Variants in ADAR observed in about 807,000 individuals in gnomAD.
ADAR encodes the protein adenosine deaminase RNA specific, also known as double-stranded RNA-specific adenosine deaminase.
ADAR carries 41 observed loss-of-function variants against 113.2 expected under a neutral mutation model. That is an observed-to-expected ratio of 0.36 (90% confidence interval 0.28 to 0.47). The LOEUF is 0.47. Among genes scored for constraint, ADAR ranks in the 20% least tolerant of loss-of-function variants. The pLI, the probability that ADAR is intolerant of heterozygous loss-of-function variation, is 1.00. For synonymous variants in ADAR, 605 were observed against 572.6 expected (o/e 1.06, Z -0.81); for missense variants, 1,242 against 1,540.9 (o/e 0.81, Z 3.25).
chr1:154,586,023 C>G, intron 12 of ADAR, 158 bp from the exon 13 acceptor site: 1 of 1,198,678 alleles, frequency 8.3e-7, no homozygotes, highest in South Asian at 1.3e-5. Flanking sequence ...CTACCAGGAT[C>G]TTCCTACCAC....
Position 154,601,898 on chromosome 1 carries a change from G to C in ADAR, c.744C>G (p.Val248=). Residue 248 remains valine (V), a synonymous_variant, in exon 2 of 15, where the codon GTC becomes GTG. Transcript: ENST00000368474. The surrounding 1 kb of genome is among the most constrained non-coding windows in gnomAD (Gnocchi z 4.7). ...TGTGCTGGTTCCAAGCCTGAGCTGA[G>C]ACTGCAATAAAAGGCTCAAGAAGAT... ...SEDLLEPFIA[V]SAQAWNQHSG... 6.2e-7 allele frequency: 1 copy of C among 1,614,140 alleles called. No individual in the cohort carries two copies. Among genetic ancestry groups the C allele is most frequent in the Non-Finnish European group, 8.5e-7 (1 of 1,180,018 alleles).
At chr1:154,599,177 C>T (rs1399811529) in intron 2 of ADAR, among the ~76,000 whole-genome samples, 1 of 152,170 alleles carries the variant, frequency 6.6e-6, no homozygotes, top group Non-Finnish European at 1.5e-5. Flanking sequence ...GGAATTTCCC[C>T]TTGTTATGTA....
In ADAR at chr1:154,597,936, A is replaced by G. The variant is rs767850785; in HGVS notation, c.1826T>C (p.Phe609Ser). The G allele has an allele frequency of 2.1e-5, 34 of 1,614,022 alleles. No homozygotes were observed. Among genetic ancestry groups the G allele is most frequent in the East Asian group, 1.6e-4 (7 of 44,888 alleles). Reference sequence around the variant, plus strand: ...GGTGACGGGGCTCTTCCCAGAAAAGAAGGATGTGGCTGAAGGGGTGGGGGT... The same window carrying G: ...GGTGACGGGGCTCTTCCCAGAAAAGGAGGATGTGGCTGAAGGGGTGGGGGT... Reference protein sequence around the residue: ...SQTPTPSATSFFSGKSPVTTL... With the variant: ...SQTPTPSATSSFSGKSPVTTL... The change falls in exon 4 of 15, where the codon TTC becomes TCC. Residue 609 changes from phenylalanine to serine, a missense_variant. Around this residue, in one of 2 missense-constraint regions of ADAR, gnomAD observed 780 missense variants for 1,057.9 expected, o/e 0.74. Transcript: ENST00000368474.
At chr1:154,614,008 A>C (rs1698564460) in intron 1 of ADAR, among the ~76,000 whole-genome samples, 1 of 152,118 alleles carries the variant, frequency 6.6e-6, no homozygotes, top group African/African-American at 2.4e-5. Context: ...TAAGTTATCT[A>C]GTAACAAAGA....
intron 11 of ADAR, among the ~76,000 whole-genome samples, chr1:154,586,758 G>A (rs1482738989): frequency 1.3e-5 from 2 of 152,164 alleles, no homozygotes; most frequent in African/African-American, 4.8e-5. Flanking sequence ...GACAGCTGGA[G>A]TAAGTGTTTC....
rs139492641 is a variant in ADAR at position 154,601,998 on chromosome 1, C to T, written c.644G>A (p.Gly215Asp). ...TGAGTTTGGGGCTCCTTGGCTATGA[C>T]CGTCTGGTCTTACCACTCCGCTGTG... ...NQHSGVVRPD[G>D]HSQGAPNSDP... is the part of the protein sequence containing the mutation. The change falls in exon 2 of 15, where the codon GGT becomes GAT. Residue 215 changes from glycine (G) to aspartate (D), a missense_variant. Transcript: ENST00000368474. This position sits in a 1 kb window ranked among gnomAD's most constrained non-coding sequence, Gnocchi z 4.7. The T allele has an allele frequency of 1.2e-6, 2 of 1,614,182 alleles. No individual in the cohort carries two copies. Among genetic ancestry groups the T allele is most frequent in the Non-Finnish European group, 8.5e-7 (1 of 1,180,016 alleles).
chr1:154,608,214 C>A, upstream of ADAR: 2 of 589,366 alleles, frequency 3.4e-6, no homozygotes, highest in South Asian at 4.8e-5. Flanking sequence ...CTCGGAAAGC[C>A]TTCCCCTCCG....
At chr1:154,587,523 C>T (rs1264192612) in intron 11 of ADAR, among the ~76,000 whole-genome samples, 1 of 152,122 alleles carries the variant, frequency 6.6e-6, no homozygotes. Flanking sequence ...AGGAGTGGAG[C>T]ACCGGCTCCA....
In ADAR at chr1:154,582,964, G is replaced by T. The variant is rs1314106037; in HGVS notation, c.*1842C>A. On this transcript the variant is annotated 3_prime_UTR_variant, in exon 15 of 15. Coordinates refer to ENST00000368474, the MANE Select transcript of ADAR (RefSeq NM_001111.5). ...CAAAGGCATCCTTAGTCTATTTTTA[G>T]AACTTGCATTTTCTTACTTTGGTCA... 1 of 152,236 alleles carries T rather than the reference G, an allele frequency of 6.6e-6. No homozygotes were observed. The highest frequency in any genetic ancestry group is 1.5e-5 in the Non-Finnish European group (1 of 68,044). 9.4% of individuals were successfully genotyped at this position (152,236 alleles called of 1,614,324 possible). A position where few individuals can be genotyped will look rare whatever the true frequency, so the allele number is the denominator to read the frequency against.
In ADAR at chr1:154,583,533, C is replaced by T. The variant is rs1696546400; in HGVS notation, c.*1273G>A. The T allele has an allele frequency of 6.6e-6, 1 of 152,224 alleles. No individual in the cohort carries two copies. Among genetic ancestry groups the T allele is most frequent in the South Asian group, 2.1e-4 (1 of 4,830 alleles). The allele number at this position is 152,224 out of a possible 1,614,324, so 9.4% of individuals were successfully genotyped here. ...AGTTTGAAGACAACCTGCCCTTTCACCCACAACTACTGCTTTCTATGTCAA... is the reference window on the plus strand; with the variant it reads ...AGTTTGAAGACAACCTGCCCTTTCATCCACAACTACTGCTTTCTATGTCAA... On this transcript the variant is annotated 3_prime_UTR_variant, in exon 15 of 15. Transcript: ENST00000368474.
Position 154,606,057 on chromosome 1 carries a change from T to C in ADAR, c.15+1935A>G, listed in dbSNP as rs546729061. The C allele has an allele frequency of 6.1e-5, 35 of 573,406 alleles. 2 individuals carry two copies. The African/African-American group carries it at 6.5e-4, about 11-fold the overall frequency. 35.5% of individuals were successfully genotyped at this position (573,406 alleles called of 1,614,324 possible). A position where few individuals can be genotyped will look rare whatever the true frequency, so the allele number is the denominator to read the frequency against. On this transcript the variant is annotated intron_variant, in intron 1 of 14. Transcript: ENST00000368474. ...GTCTCGCTCTGTTGCCAAGCTGGAGTGCAGTGGCATGATCTCGGCTCACTG... is the reference window on the plus strand; with the variant it reads ...GTCTCGCTCTGTTGCCAAGCTGGAGCGCAGTGGCATGATCTCGGCTCACTG...
At chr1:154,608,390 G>A (rs1286751846), upstream of ADAR, among the ~76,000 whole-genome samples, 13 of 149,602 alleles carry the variant, frequency 8.7e-5, no homozygotes, top group Admixed American at 1.3e-4. Context: ...GTGCAATGGC[G>A]CAATCTCGGC....
In ADAR at chr1:154,601,776, T is replaced by C. The variant is rs1697896792; in HGVS notation, c.866A>G (p.Asp289Gly). The stretch of plus-strand genomic sequence containing the variant: ...GGCCATGTCTAAAAACTCAAGAGGA[T>C]CTTCCAAGGCAGATGTGGAGTTGCT... ...EDSNSTSALE[D>G]PLEFLDMAEI... is the part of the protein sequence containing the mutation. Residue 289 changes from aspartate to glycine, a missense_variant, in exon 2 of 15, where the codon GAT (aspartate) becomes GGT (glycine). Around this residue, in one of 2 missense-constraint regions of ADAR, gnomAD observed 462 missense variants for 483.1 expected, o/e 0.96. Transcript: ENST00000368474. The surrounding 1 kb of genome is among the most constrained non-coding windows in gnomAD (Gnocchi z 4.7). 1 of 1,614,228 alleles carries C rather than the reference T, an allele frequency of 6.2e-7. No individual in the cohort carries two copies. Among genetic ancestry groups the C allele is most frequent in the Non-Finnish European group, 8.5e-7 (1 of 1,180,048 alleles).
rs760509994 is a variant in ADAR, at chr1:154,602,336, C to T, written c.306G>A (p.Gln102=). Residue 102 remains glutamine, a synonymous_variant, in exon 2 of 15, where the codon CAG becomes CAA. Coordinates refer to ENST00000368474, the MANE Select transcript of ADAR (RefSeq NM_001111.5). ...GATGCTGGAACCCTCTCTGGAGCCCCTGACTTCTGAGATGCACGCCCCTGG... is the reference window on the plus strand; with the variant it reads ...GATGCTGGAACCCTCTCTGGAGCCCTTGACTTCTGAGATGCACGCCCCTGG... The part of the protein sequence containing the change: ...GVPRGVHLRS[Q]GLQRGFQHPS... 11 of 1,611,318 alleles carry T rather than the reference C, an allele frequency of 6.8e-6. No individual in the cohort carries two copies. Among genetic ancestry groups the T allele is most frequent in the Non-Finnish European group, 8.5e-6 (10 of 1,178,534 alleles).
At chr1:154,604,233 A>G (rs1698054498) in intron 1 of ADAR, among the ~76,000 whole-genome samples, 1 of 152,248 alleles carries the variant, frequency 6.6e-6, no homozygotes, top group Non-Finnish European at 1.5e-5. Context: ...TGTGGGCCAT[A>G]GTTTCTTGAC....
rs539825031 is a variant in ADAR, at chr1:154,599,448, C to T, written c.1602-863G>A. Among the ~76,000 whole-genome samples the T allele has an allele frequency of 5.9e-5, 9 of 152,346 alleles. No homozygotes were observed. The South Asian group carries it at 8.3e-4, about 14-fold the overall frequency. On this transcript the variant is annotated intron_variant, in intron 2 of 14. Transcript: ENST00000368474. ...GAGGGATGGAGGCAAAAGAGAATGA[C>T]GGCCATCCAGTCTCTACCCCAAACA...
intron 1 of ADAR, among the ~76,000 whole-genome samples, chr1:154,619,884 A>G (rs982153633): frequency 6.6e-6 from 1 of 152,346 alleles, no homozygotes; most frequent in African/African-American, 2.4e-5. Context: ...AGAAAACTGT[A>G]AGGCAGTTTC....
At chr1:154,607,824 C>T (rs1335511994) in intron 1 of ADAR, among the ~76,000 whole-genome samples, 168 bp downstream of exon 1, 1 of 151,536 alleles carries the variant, frequency 6.6e-6, no homozygotes, top group African/African-American at 2.4e-5. Flanking sequence ...CACACACACA[C>T]TCACAAGACG....
At chr1:154,615,152 T>C (rs960695132) in intron 1 of ADAR, among the ~76,000 whole-genome samples, 1 of 152,232 alleles carries the variant, frequency 6.6e-6, no homozygotes, top group African/African-American at 2.4e-5. Context: ...GATACTGATT[T>C]CAGATTTCTG....
Sources: gnomAD v4.1 joint callset for allele counts (sites outside exome capture counted in the v4.1 genomes callset) on GRCh38, gnomAD v4.1.1 for gene constraint, gnomAD v4.1.1 regional missense constraint, Gnocchi (gnomAD v3.1) non-coding constraint, MANE v1.5 for transcripts, NCBI Gene and HGNC (gene_info 2026-07-23, HGNC 2026-07-21) for gene names.